The following ZNF208 variants were observed in gnomAD, a reference collection of about 807,000 sequenced individuals.
ZNF208 encodes the protein zinc finger protein 95.
ZNF208 carries 10 observed loss-of-function variants against 12.1 expected under a neutral mutation model. The ratio of observed to expected loss-of-function variants is 0.83; its 90% CI spans 0.51 to 1.40. The LOEUF is 1.40. ZNF208 is among the 40% of genes most tolerant of loss of function. The probability of loss-of-function intolerance (pLI) is 0.00; values close to 1 mark genes in which losing one functional copy is unlikely to be tolerated. For missense variants in ZNF208, 1,652 were observed against 1,485.0 expected (o/e 1.11, Z -1.85); for synonymous variants, 497 against 488.4 (o/e 1.02, Z -0.23).
intron 4 of ZNF208, among the ~76,000 whole-genome samples, chr19:21,942,178 T>C (rs1368968945): frequency 3.9e-5 from 6 of 152,300 alleles, no homozygotes; most frequent in Admixed American, 3.3e-4. Flanking sequence ...ATGAAAAGTT[T>C]TTAGACAATA....
At chr19:21,995,205 G>C (rs902254803) in intron 1 of ZNF208, among the ~76,000 whole-genome samples, 3 of 152,148 alleles carry the variant, frequency 2.0e-5, no homozygotes, top group Admixed American at 2.0e-4. Flanking sequence ...ACCCATCTTG[G>C]CTTCCCAAAG....
chr19:21,957,957 G>C (rs549718871), intron 4 of ZNF208, among the ~76,000 whole-genome samples: 1 of 151,782 alleles, frequency 6.6e-6, no homozygotes, highest in Non-Finnish European at 1.5e-5. Flanking sequence ...TTAGCATTAG[G>C]TATATCTCCT....
At chr19:21,981,497 C>G (rs1438703318) in intron 3 of ZNF208, among the ~76,000 whole-genome samples, 1 of 152,072 alleles carries the variant, frequency 6.6e-6, no homozygotes, top group African/African-American at 2.4e-5. Flanking sequence ...AGGCCTTCAA[C>G]AAAATTGAAC....
chr19:21,994,949 C>CTTTCTTTTT (rs1555747868), intron 1 of ZNF208, among the ~76,000 whole-genome samples: 1 of 38,218 alleles, frequency 2.6e-5, no homozygotes. Flanking sequence ...ATCTGTTTTT[C>CTTTCTTTTT]TTTTCTTTTT....
chr19:21,984,554 A>G (rs373351310), intron 3 of ZNF208, among the ~76,000 whole-genome samples: 1 of 151,994 alleles, frequency 6.6e-6, no homozygotes, highest in African/African-American at 2.4e-5. Context: ...TCTGTCTCAA[A>G]AAAACAAAAA....
intron 4 of ZNF208, among the ~76,000 whole-genome samples, chr19:21,956,849 A>C (rs947765555): frequency 5.3e-5 from 8 of 152,192 alleles, no homozygotes; most frequent in African/African-American, 1.7e-4. Context: ...ACTGTCCAAC[A>C]AGCCCCAGTG....
At chr19:21,965,221 T>G (rs1448728429), downstream of ZNF208, among the ~76,000 whole-genome samples, 1 of 152,066 alleles carries the variant, frequency 6.6e-6, no homozygotes, top group Non-Finnish European at 1.5e-5. Flanking sequence ...TATAAATTTT[T>G]AGAAACTATA....
chr19:22,003,458 A>G (rs759807412), intron 1 of ZNF208, among the ~76,000 whole-genome samples: 1 of 151,916 alleles, frequency 6.6e-6, no homozygotes, highest in Non-Finnish European at 1.5e-5. Flanking sequence ...TCTAGAATCC[A>G]TAAGGAACTA....
chr19:21,965,647 G>C (rs1302834132), downstream of ZNF208: 2 of 151,730 alleles, frequency 1.3e-5, no homozygotes, highest in Non-Finnish European at 2.9e-5. Flanking sequence ...TTGCAGCACT[G>C]TGGTCTTAAA....
intron 3 of ZNF208, among the ~76,000 whole-genome samples, chr19:21,977,465 G>C (rs1212467837): frequency 1.3e-5 from 2 of 152,232 alleles, no homozygotes; most frequent in Non-Finnish European, 2.9e-5. Flanking sequence ...CCCCTGGGAA[G>C]TGCAACGGGT....
chr19:22,004,761 G>C (rs1393491244), intron 1 of ZNF208, among the ~76,000 whole-genome samples: 1 of 152,148 alleles, frequency 6.6e-6, no homozygotes, highest in Non-Finnish European at 1.5e-5. Flanking sequence ...GCCTAGTAGA[G>C]GGTGGAGGGT....
intron 4 of ZNF208, among the ~76,000 whole-genome samples, chr19:21,948,051 G>A (rs1367946028): frequency 6.6e-6 from 1 of 152,084 alleles, no homozygotes; most frequent in Non-Finnish European, 1.5e-5. Flanking sequence ...AAAAAAGGAA[G>A]GTCGAGAAGT....
intron 1 of ZNF208, among the ~76,000 whole-genome samples, chr19:21,996,813 A>C (rs1312261108): frequency 6.6e-6 from 1 of 152,204 alleles, no homozygotes; most frequent in African/African-American, 2.4e-5. Flanking sequence ...TGAAAGAGGT[A>C]AAATGGTTAA....
At chr19:21,989,914 A>G (rs1259711516) in intron 1 of ZNF208, among the ~76,000 whole-genome samples, 1 of 152,064 alleles carries the variant, frequency 6.6e-6, no homozygotes, top group Non-Finnish European at 1.5e-5. Context: ...TCCTTTGCCC[A>G]CTTTTTGATG....
At chr19:21,949,904 T>C (rs1159557801) in intron 4 of ZNF208, among the ~76,000 whole-genome samples, 1 of 152,198 alleles carries the variant, frequency 6.6e-6, no homozygotes, top group Non-Finnish European at 1.5e-5. Flanking sequence ...AATGGAAGCC[T>C]CTGACTAAAA....
chr19:22,003,562 C>A (rs1247800832), intron 1 of ZNF208, among the ~76,000 whole-genome samples: 1 of 150,512 alleles, frequency 6.6e-6, no homozygotes, highest in Non-Finnish European at 1.5e-5. Context: ...ATGTGGCTAA[C>A]AAGCATGTAA....
chr19:21,963,950 C>T (rs1970119396), downstream of ZNF208, among the ~76,000 whole-genome samples: 1 of 151,794 alleles, frequency 6.6e-6, no homozygotes, highest in African/African-American at 2.4e-5. Flanking sequence ...CTATAGTAAA[C>T]TATAAAGTAT....
rs1279706360 is a variant in ZNF208 at position 21,973,173 on chromosome 19, C to G, written c.1861G>C (p.Val621Leu). The change falls in exon 4 of 4, where the codon GTC (valine) becomes CTC (leucine). Residue 621 changes from valine to leucine, a missense_variant. Val to Leu is a conservative substitution (Grantham distance 32). Transcript: ENST00000397126. ...CEECGKTFSK[V>L]STLTTHKAIH... is the part of the protein sequence containing the mutation. ...GCCTTATGTGTAGTAAGGGTTGAGA[C>G]CTTACTAAAGGTTTTGCCACATTCT... 1 of 1,600,560 alleles carries G rather than the reference C, an allele frequency of 6.2e-7. No homozygotes were observed. Among genetic ancestry groups the G allele is most frequent in the Admixed American group, 1.7e-5 (1 of 58,578 alleles).
intron 4 of ZNF208, among the ~76,000 whole-genome samples, chr19:21,957,840 T>A (rs986489166): frequency 4.7e-5 from 7 of 149,370 alleles, no homozygotes; most frequent in Admixed American, 4.6e-4. Flanking sequence ...TTATTTTATT[T>A]TATTATTATT....
Sources: gnomAD v4.1 joint callset for allele counts (sites outside exome capture counted in the v4.1 genomes callset) on GRCh38, gnomAD v4.1.1 for gene constraint, MANE v1.5 for transcripts, NCBI Gene and HGNC (gene_info 2026-07-23, HGNC 2026-07-21) for gene names.